The following TMPRSS3 variants were observed in gnomAD, a reference collection of about 807,000 sequenced individuals.
TMPRSS3 encodes transmembrane serine protease 3, also known as transmembrane protease serine 3.
Under a neutral mutation model 59.6 loss-of-function variants are expected in TMPRSS3, and 55 were observed. The observed-to-expected ratio is 0.92, with a 90% CI of 0.74 to 1.16. The LOEUF (loss-of-function observed/expected upper bound fraction) is 1.16. Ranked by LOEUF, TMPRSS3 falls within the 50% of genes most tolerant of loss-of-function variation. The pLI, the probability that TMPRSS3 is intolerant of heterozygous loss-of-function variation, is 0.00. For missense variants in TMPRSS3, 596 were observed against 579.4 expected (o/e 1.03, Z -0.29); for synonymous variants, 257 against 237.7 (o/e 1.08, Z -0.75).
chr21:42,377,076 C>A (rs1038465638), intron 10 of TMPRSS3, among the ~76,000 whole-genome samples: 3 of 152,250 alleles, frequency 2.0e-5, no homozygotes, highest in African/African-American at 7.2e-5. Context: ...GTCACTCACT[C>A]AGCGTCTTTG....
In TMPRSS3 at chr21:42,381,961, A is replaced by G. The variant is rs777509292; in HGVS notation, c.952+104T>C. 3.6e-5 allele frequency: 51 copies of G among 1,413,810 alleles called. No homozygotes were observed. The Middle Eastern group carries it at 1.9e-3, about 53-fold the overall frequency. The allele number at this position is 1,413,810 out of a possible 1,614,324, so 87.6% of individuals were successfully genotyped here. A position where few individuals can be genotyped will look rare whatever the true frequency, so the allele number is the denominator to read the frequency against. ...CAGGAGTTGGAATTATTAATATCTGACAAGGATTATAAAGCAGCCATCATA... is the reference window on the plus strand; with the variant it reads ...CAGGAGTTGGAATTATTAATATCTGGCAAGGATTATAAAGCAGCCATCATA... On this transcript the variant is annotated intron_variant, in intron 9 of 12. Transcript: ENST00000644384.
rs1335603397 is a variant in TMPRSS3, at chr21:42,384,123, CT to C, written c.573-111del. 58 of 930,652 alleles carry C rather than the reference CT, an allele frequency of 6.2e-5. 2 individuals carry two copies. The South Asian group carries it at 8.0e-4, about 13-fold the overall frequency. The allele number at this position is 930,652 out of a possible 1,614,324, so 57.6% of individuals were successfully genotyped here. ...AGAAAAATAAATTCTATTTCCCCCT[CT>C]TTGAATATAGATTACAATTTTAGTC... On this transcript the variant is annotated intron_variant, in intron 6 of 12. Coordinates refer to ENST00000644384, the MANE Select transcript of TMPRSS3 (RefSeq NM_001256317.3).
At chr21:42,383,797 G>A in intron 7 of TMPRSS3, 173 bp downstream of exon 7, 2 of 749,944 alleles carry the variant, frequency 2.7e-6, no homozygotes, top group Non-Finnish European at 4.8e-6. Context: ...AGGCCGACAG[G>A]TGAGGATGAC....
chr21:42,386,425 C>T (rs370620288), intron 5 of TMPRSS3, among the ~76,000 whole-genome samples: 15 of 152,342 alleles, frequency 9.8e-5, no homozygotes, highest in South Asian at 6.2e-4. Context: ...GCACGGATTC[C>T]GCTGGCACTG....
In TMPRSS3 at chr21:42,383,048, G is replaced by A. The variant is rs1306292205; in HGVS notation, c.767C>T (p.Ala256Val). The change falls in exon 8 of 13, where the codon GCA (alanine) becomes GTA (valine). Residue 256 changes from alanine to valine, a missense_variant. Transcript: ENST00000644384. Reference sequence around the variant, plus strand: ...CAGCACTCACTCATAAACACAGTGTGCAGCAGTGATGATCCACAGGGGCGT... The same window carrying A: ...CAGCACTCACTCATAAACACAGTGTACAGCAGTGATGATCCACAGGGGCGT... ...VITPLWIITA[A>V]HCVYDLYLPK... The A allele has an allele frequency of 3.7e-6, 6 of 1,614,142 alleles. No individual in the cohort carries two copies. In the South Asian group the frequency reaches 6.6e-5, roughly 18 times the overall value.
chr21:42,384,123 C>T, intron 6 of TMPRSS3, 110 bp from the exon 7 acceptor site: 1 of 930,652 alleles, frequency 1.1e-6, no homozygotes, highest in Non-Finnish European at 1.7e-6. Flanking sequence ...ATTTCCCCCT[C>T]TTTGAATATA....
chr21:42,376,433 C>T (rs964455042), intron 11 of TMPRSS3, 108 bp downstream of exon 11: 27 of 1,486,724 alleles, frequency 1.8e-5, no homozygotes, highest in African/African-American at 4.1e-5. Context: ...TTCTTCTCCA[C>T]GCCCTGTAAA....
intron 10 of TMPRSS3, 32 bp downstream of exon 10, chr21:42,380,085 T>C: frequency 6.3e-7 from 1 of 1,581,880 alleles, no homozygotes; most frequent in Non-Finnish European, 8.7e-7. Context: ...TCTGAGCCCC[T>C]GGACTCCGAA....
chr21:42,391,156 T>A (rs1364998030), intron 2 of TMPRSS3, among the ~76,000 whole-genome samples: 1 of 152,228 alleles, frequency 6.6e-6, no homozygotes. Flanking sequence ...GCAGAGGTAG[T>A]GCTGAGATCT....
intron 6 of TMPRSS3, among the ~76,000 whole-genome samples, chr21:42,384,897 A>C (rs2052599126): frequency 6.6e-6 from 1 of 152,110 alleles, no homozygotes. Context: ...GTTATTTAAG[A>C]ACACCTGGTT....
chr21:42,385,674 T>C lies in TMPRSS3; in HGVS notation c.447-140A>G. 3 of 1,135,434 alleles carry C rather than the reference T, an allele frequency of 2.6e-6. No individual in the cohort carries two copies. In the South Asian group the frequency reaches 3.8e-5, roughly 14 times the overall value. The allele number at this position is 1,135,434 out of a possible 1,614,324, so 70.3% of individuals were successfully genotyped here. ...CCCCCAAACCCATCAAAGGCTTCCT[T>C]TGCCAAGAGAATGAAGTTCACTCAC... On this transcript the variant is annotated intron_variant, in intron 5 of 12. Coordinates refer to ENST00000644384, the MANE Select transcript of TMPRSS3 (RefSeq NM_001256317.3).
intron 11 of TMPRSS3, 22 bp downstream of exon 11, chr21:42,376,519 G>T: frequency 6.2e-7 from 1 of 1,612,136 alleles, no homozygotes; most frequent in African/African-American, 1.3e-5. Context: ...CCACGGCCTC[G>T]CCCACCGCTG....
intron 10 of TMPRSS3, among the ~76,000 whole-genome samples, chr21:42,377,626 C>T (rs1163171210): frequency 2.6e-5 from 4 of 152,166 alleles, no homozygotes; most frequent in Non-Finnish European, 4.4e-5. Context: ...CCCCCGACAC[C>T]GAGGGATGGA....
chr21:42,373,893 A>T (rs1445036288), intron 12 of TMPRSS3, among the ~76,000 whole-genome samples: 1 of 152,192 alleles, frequency 6.6e-6, no homozygotes, highest in Non-Finnish European at 1.5e-5. Flanking sequence ...CACCCACGAC[A>T]GCTGGAAGAC....
Position 42,395,446 on chromosome 21 carries a change from G to C in TMPRSS3, c.-29C>G. On this transcript the variant is annotated 5_prime_UTR_variant, in exon 2 of 13. Transcript: ENST00000644384. Reference sequence around the variant, plus strand: ...GACTATTTCAGGACCTCTGACATCCGGCTCCGCCTCCACCTCTACCTCCTT... The same window carrying C: ...GACTATTTCAGGACCTCTGACATCCCGCTCCGCCTCCACCTCTACCTCCTT... The C allele has an allele frequency of 1.3e-6, 2 of 1,586,614 alleles. No homozygotes were observed. Among genetic ancestry groups the C allele is most frequent in the African/African-American group, 1.3e-5 (1 of 74,470 alleles).
In TMPRSS3 at chr21:42,372,042, G is replaced by A. The variant is rs1317032379; in HGVS notation, c.*720C>T. 1 of 454,430 alleles carries A rather than the reference G, an allele frequency of 2.2e-6. No individual in the cohort carries two copies. The highest frequency in any genetic ancestry group is 4.4e-6 in the Non-Finnish European group (1 of 226,798). The allele number at this position is 454,430 out of a possible 1,614,324, so 28.1% of individuals were successfully genotyped here. ...TAAGTCTTGGAAGTAGAAAGGGTGG[G>A]TTTGGTTCTGGTCCCTAGAGATGAA... is the stretch of plus-strand genomic sequence containing the variant. On this transcript the variant is annotated 3_prime_UTR_variant, in exon 13 of 13. Transcript: ENST00000644384.
rs2052684715 is a variant in TMPRSS3, at chr21:42,388,961, TC to T, written c.289del (p.Asp97IlefsTer55). 1 of 1,614,088 alleles carries T rather than the reference TC, an allele frequency of 6.2e-7. No individual in the cohort carries two copies. Among genetic ancestry groups the T allele is most frequent in the Non-Finnish European group, 8.5e-7 (1 of 1,180,046 alleles). On this transcript the variant is annotated frameshift_variant, in exon 4 of 13. Transcript: ENST00000644384. LOFTEE classifies it high-confidence loss of function. This position sits in a 1 kb window ranked among gnomAD's most constrained non-coding sequence, Gnocchi z 5.1. ...GTACTCGTCCTCCCCGTCTTTGCAA[TC>T]CGAGACTCCGTCACATCGAGCTATC... ...ELIARCDGVSDCKDGEDEYRC... is the reference protein window; with the variant it reads ...ELIARCDGVSXCKDGEDEYRC...
chr21:42,383,513 G>A (rs1046504138), intron 7 of TMPRSS3: 43 of 531,496 alleles, frequency 8.1e-5, no homozygotes, highest in Admixed American at 3.5e-4. Context: ...GGGATGTCAG[G>A]AGCAGGCAGG....
At chr21:42,382,838 T>C in intron 8 of TMPRSS3, 195 bp downstream of exon 8, 3 of 680,744 alleles carry the variant, frequency 4.4e-6, no homozygotes. Context: ...TAAAACAAGC[T>C]CAGGGTCACA....
Sources: allele counts gnomAD v4.1 joint callset (sites outside exome capture counted in the v4.1 genomes callset), GRCh38; gene constraint gnomAD v4.1.1; non-coding constraint Gnocchi (gnomAD v3.1); transcripts MANE v1.5; gene names NCBI Gene and HGNC (gene_info 2026-07-23, HGNC 2026-07-21).